The following MPP7 variants were observed in gnomAD, a reference collection of about 807,000 sequenced individuals.
The protein encoded by MPP7 is MAGUK p55 scaffold protein 7, also known as MAGUK p55 subfamily member 7.
MPP7 carries 60 observed loss-of-function variants against 76.5 expected under a neutral mutation model. The ratio of observed to expected loss-of-function variants is 0.78; its 90% CI spans 0.64 to 0.97. The LOEUF (loss-of-function observed/expected upper bound fraction) is 0.97, where lower values mean the gene tolerates loss of function less well. Ranked by LOEUF, MPP7 falls within the 50% of genes least tolerant of loss-of-function variation. The probability of loss-of-function intolerance (pLI) is 0.00; values close to 1 mark genes in which losing one functional copy is unlikely to be tolerated. For synonymous variants in MPP7, 237 were observed against 244.5 expected (o/e 0.97, Z 0.29); for missense variants, 641 against 694.0 (o/e 0.92, Z 0.86).
intron 11 of MPP7, among the ~76,000 whole-genome samples, chr10:28,100,437 G>A (rs1022409805): frequency 6.6e-6 from 1 of 152,070 alleles, no homozygotes; most frequent in Non-Finnish European, 1.5e-5. Flanking sequence ...GAGAAGAAAT[G>A]CTAAATCTAG....
intron 3 of MPP7, among the ~76,000 whole-genome samples, chr10:28,199,289 G>C (rs552340976): frequency 6.6e-6 from 1 of 152,262 alleles, no homozygotes; most frequent in Admixed American, 6.5e-5. Context: ...ATATCAATAT[G>C]AGACTTCTCA....
intron 3 of MPP7, among the ~76,000 whole-genome samples, chr10:28,182,423 C>T (rs1041471143): frequency 6.6e-6 from 1 of 152,120 alleles, no homozygotes. Flanking sequence ...TAATATGATA[C>T]AATCCGTTAG....
intron 1 of MPP7, among the ~76,000 whole-genome samples, chr10:28,268,124 G>T (rs2133002825): frequency 6.6e-6 from 1 of 152,132 alleles, no homozygotes; most frequent in African/African-American, 2.4e-5. Context: ...GAGTAGAGAG[G>T]AGGCATACTC....
chr10:28,178,837 C>T (rs940528532), intron 3 of MPP7, among the ~76,000 whole-genome samples: 17 of 151,896 alleles, frequency 1.1e-4, no homozygotes, highest in African/African-American at 3.6e-4. Flanking sequence ...TAAGATGTTA[C>T]AAAAAAGAAA....
chr10:28,122,933 G>C (rs915204176), intron 8 of MPP7, among the ~76,000 whole-genome samples: 3 of 151,870 alleles, frequency 2.0e-5, no homozygotes, highest in Non-Finnish European at 4.4e-5. Context: ...TATAATTATA[G>C]AAATTGTATA....
At chr10:28,166,633 C>G (rs1393717315) in intron 3 of MPP7, among the ~76,000 whole-genome samples, 3 of 151,976 alleles carry the variant, frequency 2.0e-5, no homozygotes, top group African/African-American at 7.3e-5. Flanking sequence ...TCTCGAACTC[C>G]CGACCTCAGG....
At chr10:28,193,797 G>A (rs921362696) in intron 3 of MPP7, among the ~76,000 whole-genome samples, 3 of 151,522 alleles carry the variant, frequency 2.0e-5, no homozygotes, top group East Asian at 1.9e-4. Context: ...AAAAATAAAC[G>A]TGTGAAGATA....
intron 2 of MPP7, among the ~76,000 whole-genome samples, chr10:28,316,714 TA>T (rs1834324064): frequency 6.6e-6 from 1 of 152,174 alleles, no homozygotes; most frequent in Admixed American, 6.5e-5. Context: ...TAGACATGCA[TA>T]TGAAGGATAC....
chr10:28,321,206 G>A (rs140023325), intron 2 of MPP7, among the ~76,000 whole-genome samples: 3 of 152,218 alleles, frequency 2.0e-5, no homozygotes, highest in African/African-American at 7.2e-5. Context: ...ATATATATTT[G>A]GGGCATATTG....
chr10:28,103,594 A>G (rs553413548), intron 11 of MPP7, among the ~76,000 whole-genome samples: 76 of 152,212 alleles, frequency 5.0e-4, no homozygotes, highest in Non-Finnish European at 9.9e-4. Flanking sequence ...TTTTCTTCTT[A>G]GCACTTATTA....
chr10:28,313,195 C>T (rs1841299092), intron 2 of MPP7, among the ~76,000 whole-genome samples: 1 of 152,064 alleles, frequency 6.6e-6, no homozygotes, highest in South Asian at 2.1e-4. Context: ...CATATGAGTG[C>T]AAATTCTACA....
chr10:28,188,675 GA>G (rs1446447546), intron 3 of MPP7, among the ~76,000 whole-genome samples: 1 of 152,184 alleles, frequency 6.6e-6, no homozygotes, highest in Non-Finnish European at 1.5e-5. Context: ...AAAGCCCATT[GA>G]AGACTACTGC....
At chr10:28,233,986 A>G (rs920828293) in intron 2 of MPP7, among the ~76,000 whole-genome samples, 1 of 152,110 alleles carries the variant, frequency 6.6e-6, no homozygotes, top group Admixed American at 6.5e-5. Flanking sequence ...AAAAGAGAAA[A>G]GAAACGAAAT....
At chr10:28,087,209 G>A (rs1853057264) in intron 12 of MPP7, among the ~76,000 whole-genome samples, 1 of 152,088 alleles carries the variant, frequency 6.6e-6, no homozygotes, top group African/African-American at 2.4e-5. Context: ...CTCTCTCCAC[G>A]TGATCTCTGC....
chr10:28,083,567 C>T (rs1244047990), intron 12 of MPP7, among the ~76,000 whole-genome samples: 4 of 117,890 alleles, frequency 3.4e-5, no homozygotes, highest in East Asian at 2.6e-4. Flanking sequence ...GATGGAGCTT[C>T]GCTCTTGTTC....
At chr10:28,276,508 A>G (rs1840501730) in intron 1 of MPP7, among the ~76,000 whole-genome samples, 1 of 152,138 alleles carries the variant, frequency 6.6e-6, no homozygotes, top group Admixed American at 6.5e-5. Flanking sequence ...AACAAACAAG[A>G]TGAAATTACA....
chr10:28,176,339 CAAAAACAAAA>C (rs1313955738), intron 3 of MPP7, among the ~76,000 whole-genome samples: 10 of 143,430 alleles, frequency 7.0e-5, no homozygotes, highest in African/African-American at 2.7e-4. Flanking sequence ...GCAGTTGGGT[CAAAAACAAAA>C]CAAAACAAAA....
At chr10:28,308,101 G>T (rs940188234) in intron 2 of MPP7, among the ~76,000 whole-genome samples, 1 of 152,212 alleles carries the variant, frequency 6.6e-6, no homozygotes, top group Non-Finnish European at 1.5e-5. Flanking sequence ...AGGGGAAGAA[G>T]GGAAATGGTC....
At chr10:28,107,177 T>G (rs1251973807) in intron 11 of MPP7, among the ~76,000 whole-genome samples, 3 of 152,160 alleles carry the variant, frequency 2.0e-5, no homozygotes, top group Non-Finnish European at 4.4e-5. Context: ...ATATGTCCAG[T>G]GCTCTTTCCG....
Sources: gnomAD v4.1 joint callset for allele counts (sites outside exome capture counted in the v4.1 genomes callset) on GRCh38, gnomAD v4.1.1 for gene constraint, MANE v1.5 for transcripts, NCBI Gene and HGNC (gene_info 2026-07-23, HGNC 2026-07-21) for gene names.